The following BICDL1 variants were observed in gnomAD, a reference collection of about 807,000 sequenced individuals.
BICDL1 encodes BICD family like cargo adaptor 1.
A neutral mutation model predicts 76.8 loss-of-function variants in BICDL1; 20 were observed. The observed-to-expected ratio is 0.26, with a 90% CI of 0.18 to 0.38. BICDL1 has a LOEUF of 0.38. Ranked by LOEUF, BICDL1 falls within the 10% of genes least tolerant of loss-of-function variation. The probability of loss-of-function intolerance (pLI) is 1.00; values close to 1 mark genes in which losing one functional copy is unlikely to be tolerated. For synonymous variants in BICDL1, 383 were observed against 337.1 expected (o/e 1.14, Z -1.49); for missense variants, 700 against 798.6 (o/e 0.88, Z 1.49).
intron 9 of BICDL1, chr12:120,090,611 T>G (rs1436878905): frequency 2.8e-6 from 1 of 351,094 alleles, no homozygotes; most frequent in Non-Finnish European, 5.6e-6. Flanking sequence ...GGGCTGTGGC[T>G]GGCTGGGTTT....
Position 120,093,188 on chromosome 12 carries a change from T to C in BICDL1, c.*27T>C, listed in dbSNP as rs1875137462. 6.4e-7 allele frequency: 1 copy of C among 1,561,738 alleles called. No individual in the cohort carries two copies. Among genetic ancestry groups the C allele is most frequent in the Admixed American group, 1.9e-5 (1 of 51,656 alleles). ...TTGGGAGGAGTCAGGCCACCAAAGA[T>C]GGGTGGACTGGAGGCAGCTGGAAAG... On this transcript the variant is annotated 3_prime_UTR_variant, in exon 10 of 10. Coordinates refer to ENST00000548673, the MANE Select transcript of BICDL1 (RefSeq NM_001367886.1).
At chr12:120,033,259 T>C (rs1952460425) in intron 2 of BICDL1, among the ~76,000 whole-genome samples, 1 of 152,102 alleles carries the variant, frequency 6.6e-6, no homozygotes, top group Non-Finnish European at 1.5e-5. Context: ...GTCTGGTGCA[T>C]TATGCCTGGT....
intron 3 of BICDL1, among the ~76,000 whole-genome samples, chr12:120,063,348 C>T (rs1594186961): frequency 1.3e-5 from 2 of 152,218 alleles, no homozygotes; most frequent in South Asian, 4.1e-4. Flanking sequence ...ACTTGAGAGA[C>T]AATATTTCTT....
In BICDL1 at chr12:119,989,687, C is replaced by T. The variant is rs1269421877; in HGVS notation, c.-182C>T. On this transcript the variant is annotated 5_prime_UTR_variant, in exon 1 of 10. Transcript: ENST00000548673. ...CGGGGGCGGGGGAGGGGGCGCGTGC[C>T]GCCGGCGCGGGGGAGGGGCGGGCCG... 1.3e-4 allele frequency among the ~76,000 whole-genome samples: 19 copies of T among 146,338 alleles called. No homozygotes were observed. The highest frequency in any genetic ancestry group is 2.0e-4 in the Non-Finnish European group (13 of 65,864).
chr12:120,047,465 T>A (rs1952771090), intron 2 of BICDL1, among the ~76,000 whole-genome samples: 1 of 152,210 alleles, frequency 6.6e-6, no homozygotes, highest in African/African-American at 2.4e-5. Flanking sequence ...CTCAATTTCA[T>A]CACCTGCAAA....
At chr12:120,003,107 G>A (rs191149873) in intron 2 of BICDL1, among the ~76,000 whole-genome samples, 8 of 148,988 alleles carry the variant, frequency 5.4e-5, no homozygotes, top group East Asian at 2.0e-4. Context: ...GCAGTGAGCC[G>A]AAATTGTGCC....
At chr12:120,039,410 T>C (rs1952590560) in intron 2 of BICDL1, among the ~76,000 whole-genome samples, 3 of 148,870 alleles carry the variant, frequency 2.0e-5, no homozygotes, top group Admixed American at 1.3e-4. Flanking sequence ...GAGGCCAAGG[T>C]GGGCGGATTA....
chr12:120,003,141 G>A lies in BICDL1; in HGVS notation c.645+4405G>A, dbSNP rs990921486. Among the ~76,000 whole-genome samples, 3 of 140,606 alleles carry A rather than the reference G, an allele frequency of 2.1e-5. No individual in the cohort carries two copies. In the Admixed American group the frequency reaches 2.3e-4, roughly 11 times the overall value. The allele number at this position is 140,606 out of a possible 152,430, so 92.2% of individuals were successfully genotyped here. On this transcript the variant is annotated intron_variant, in intron 2 of 9. Transcript: ENST00000548673. ...CCACTGCACTCCAGCCTGGGCAACAGAGCAAGACCCCATCTTTAAAAAAAA... is the reference window on the plus strand; with the variant it reads ...CCACTGCACTCCAGCCTGGGCAACAAAGCAAGACCCCATCTTTAAAAAAAA...
At position 120,071,846 on chromosome 12, in the gene BICDL1, G is replaced by C; in HGVS notation, c.1089+45G>C. The C allele has an allele frequency of 1.3e-6, 2 of 1,516,938 alleles. No homozygotes were observed. Among genetic ancestry groups the C allele is most frequent in the Non-Finnish European group, 1.8e-6 (2 of 1,132,774 alleles). The allele number at this position is 1,516,938 out of a possible 1,614,324, so 94.0% of individuals were successfully genotyped here. A position where few individuals can be genotyped will look rare whatever the true frequency, so the allele number is the denominator to read the frequency against. The stretch of plus-strand genomic sequence containing the variant: ...CCCACAGGCGAGGCTACCTGGGGTT[G>C]CTTAGGTCTCATCCTCCTCCCTAGT... On this transcript the variant is annotated intron_variant, in intron 5 of 9. Coordinates refer to ENST00000548673, the MANE Select transcript of BICDL1 (RefSeq NM_001367886.1). The surrounding 1 kb of genome is among the most constrained non-coding windows in gnomAD (Gnocchi z 4.8).
chr12:120,072,495 A>G lies in BICDL1; in HGVS notation c.1090-16A>G, dbSNP rs1182932991. 6.2e-6 allele frequency: 10 copies of G among 1,613,122 alleles called. No individual in the cohort carries two copies. Among genetic ancestry groups the G allele is most frequent in the South Asian group, 1.1e-5 (1 of 91,064 alleles). ...TCTCTAGAGTCTGAAATGAATAGTA[A>G]TTCTCTGTGGAACAGCTGAGACTGC... On this transcript the variant is annotated splice_polypyrimidine_tract_variant and intron_variant, in intron 5 of 9. Coordinates refer to ENST00000548673, the MANE Select transcript of BICDL1 (RefSeq NM_001367886.1).
chr12:120,004,017 G>A (rs962397003), intron 2 of BICDL1, among the ~76,000 whole-genome samples: 1 of 152,166 alleles, frequency 6.6e-6, no homozygotes, highest in Admixed American at 6.5e-5. Context: ...CTGTAGTATG[G>A]AGAAGGAGGC....
At position 120,094,058 on chromosome 12, in the gene BICDL1, A is replaced by AC. The variant is rs1320924556; in HGVS notation, c.*901dup. 2 of 387,148 alleles carry AC rather than the reference A, an allele frequency of 5.2e-6. No homozygotes were observed. Among genetic ancestry groups the AC allele is most frequent in the African/African-American group, 4.2e-5 (2 of 47,118 alleles). 24.0% of individuals were successfully genotyped at this position (387,148 alleles called of 1,614,324 possible). A position where few individuals can be genotyped will look rare whatever the true frequency, so the allele number is the denominator to read the frequency against. On this transcript the variant is annotated 3_prime_UTR_variant, in exon 10 of 10. Coordinates refer to ENST00000548673, the MANE Select transcript of BICDL1 (RefSeq NM_001367886.1). ...GCACCAGAGGGGTCTGTGGTCAGCC[A>AC]CCCCACCTTGAGGGCAGCACAGGCA...
chr12:120,080,774 C>A, intron 7 of BICDL1, 113 bp from the exon 8 acceptor site: 4 of 1,148,582 alleles, frequency 3.5e-6, no homozygotes, highest in Non-Finnish European at 4.8e-6. Context: ...TACCAGCTTG[C>A]ACCCCCACAC....
intron 2 of BICDL1, among the ~76,000 whole-genome samples, chr12:120,012,727 C>T (rs2138672414): frequency 6.6e-6 from 1 of 152,154 alleles, no homozygotes; most frequent in Admixed American, 6.5e-5. Flanking sequence ...AAACAGTCCA[C>T]CACTTAGAAC....
At chr12:120,008,591 G>T (rs766741835) in intron 2 of BICDL1, among the ~76,000 whole-genome samples, 18 of 152,160 alleles carry the variant, frequency 1.2e-4, no homozygotes, top group Non-Finnish European at 2.2e-4. Context: ...TCCAGGATGG[G>T]TAGTCAATTG....
intron 3 of BICDL1, among the ~76,000 whole-genome samples, chr12:120,064,214 G>A (rs1953168942): frequency 6.6e-6 from 1 of 152,236 alleles, no homozygotes; most frequent in East Asian, 1.9e-4. Flanking sequence ...CAAGGCACTG[G>A]ATCTGAGCTG....
chr12:120,031,551 T>C (rs542688597), intron 2 of BICDL1, among the ~76,000 whole-genome samples: 2 of 152,318 alleles, frequency 1.3e-5, no homozygotes, highest in African/African-American at 4.8e-5. Flanking sequence ...TATTTTTTTA[T>C]CTATTTCAGA....
chr12:120,028,322 T>C (rs1354847950), intron 2 of BICDL1, among the ~76,000 whole-genome samples: 2 of 152,204 alleles, frequency 1.3e-5, no homozygotes, highest in African/African-American at 2.4e-5. Context: ...TTCTGTTTCA[T>C]TGGCCTTTAC....
At chr12:120,042,274 A>G (rs1295771531) in intron 2 of BICDL1, among the ~76,000 whole-genome samples, 1 of 152,172 alleles carries the variant, frequency 6.6e-6, no homozygotes, top group Non-Finnish European at 1.5e-5. Context: ...TTTCAGCAGT[A>G]GAGTCCACAG....
Sources: allele counts gnomAD v4.1 joint callset (sites outside exome capture counted in the v4.1 genomes callset), GRCh38; gene constraint gnomAD v4.1.1; non-coding constraint Gnocchi (gnomAD v3.1); transcripts MANE v1.5; gene names NCBI Gene and HGNC (gene_info 2026-07-23, HGNC 2026-07-21).